The following PCDHGB1 variants were observed in gnomAD, a reference collection of about 807,000 sequenced individuals.
The protein encoded by PCDHGB1 is protocadherin gamma subfamily B, 1, also known as protocadherin gamma-B1.
A neutral mutation model predicts 56.6 loss-of-function variants in PCDHGB1; 34 were observed. That is an observed-to-expected ratio of 0.60 (90% confidence interval 0.46 to 0.80). The LOEUF is 0.80. PCDHGB1 is among the 30% of genes least tolerant of loss of function. The pLI is 0.00. For synonymous variants in PCDHGB1, 561 were observed against 505.9 expected (o/e 1.11, Z -1.46); for missense variants, 1,278 against 1,204.6 (o/e 1.06, Z -0.90).
At chr5:141,399,624 T>C (rs1006867896) in intron 1 of PCDHGB1, 9 of 1,613,898 alleles carry the variant, frequency 5.6e-6, no homozygotes, top group African/African-American at 4.0e-5. Flanking sequence ...CACTGGCCTC[T>C]TACGTGTCCA....
chr5:141,352,024 G>A lies in PCDHGB1; in HGVS notation c.1764G>A (p.Val588=), dbSNP rs756674357. ...CCGGCTACCTGGTGACCAAGGTGGT[G>A]GCGGTGGACGCAGACTCAGGACACA... ...AEPGYLVTKV[V]AVDADSGHNA... The change falls in exon 1 of 4, where the codon GTG becomes GTA. Residue 588 remains valine (V), a synonymous_variant. Coordinates refer to ENST00000523390, the MANE Select transcript of PCDHGB1 (RefSeq NM_018922.3). 7.5e-6 allele frequency: 12 copies of A among 1,609,274 alleles called. No individual in the cohort carries two copies. The Admixed American group carries it at 1.5e-4, about 20-fold the overall frequency.
chr5:141,403,362 G>A lies in PCDHGB1; in HGVS notation c.2409+50693G>A, dbSNP rs200979571. 157 of 1,613,944 alleles carry A rather than the reference G, an allele frequency of 9.7e-5. No homozygotes were observed. Among genetic ancestry groups the A allele is most frequent in the Admixed American group, 4.3e-4 (26 of 60,012 alleles). On this transcript the variant is annotated intron_variant, in intron 1 of 3. Transcript: ENST00000523390. ...AGCGCCCCAAAGTTCCAGGCCGAAA[G>A]TCTGGAAGTAAAAATTAACGAAATC... is the stretch of plus-strand genomic sequence containing the variant.
intron 1 of PCDHGB1, chr5:141,402,791 C>A: frequency 1.0e-6 from 1 of 998,930 alleles, no homozygotes; most frequent in Non-Finnish European, 1.4e-6. Context: ...TCTGCGGCTA[C>A]ACAAAACCCG....
At chr5:141,416,033 C>T (rs770398549) in intron 1 of PCDHGB1, 22 of 202,600 alleles carry the variant, frequency 1.1e-4, no homozygotes, top group Non-Finnish European at 1.9e-4. Flanking sequence ...AAAGAAATCA[C>T]CTCTGGAAAC....
chr5:141,415,411 G>A (rs754595054), intron 1 of PCDHGB1: 45 of 1,614,112 alleles, frequency 2.8e-5, no homozygotes, highest in Non-Finnish European at 3.6e-5. Context: ...GCACTTTGTG[G>A]GCGTGGACGG....
At chr5:141,404,002 A>G in intron 1 of PCDHGB1, 2 of 1,613,928 alleles carry the variant, frequency 1.2e-6, no homozygotes, top group South Asian at 1.1e-5. Context: ...TGACCATTAC[A>G]TCTCTGTTTA....
chr5:141,433,367 C>CTATA, intron 1 of PCDHGB1: 2 of 549,818 alleles, frequency 3.6e-6, no homozygotes, highest in South Asian at 4.5e-5. Flanking sequence ...GCCTATCTAT[C>CTATA]TATCTATCTA....
At chr5:141,371,895 C>T (rs1561553190) in intron 1 of PCDHGB1, 1 of 1,613,450 alleles carries the variant, frequency 6.2e-7, no homozygotes. Context: ...GCCGCGGGAG[C>T]TGTCGTCCTA....
intron 2 of PCDHGB1, 88 bp from the exon 3 acceptor site, chr5:141,505,305 C>G (rs1363643214): frequency 1.0e-5 from 16 of 1,595,104 alleles, no homozygotes; most frequent in African/African-American, 2.7e-5. Flanking sequence ...GGTTAGGGTA[C>G]TAGGTTTGGG....
Position 141,389,845 on chromosome 5 carries a change from C to A in PCDHGB1, c.2409+37176C>A, listed in dbSNP as rs572208776. 5.0e-5 allele frequency: 80 copies of A among 1,614,054 alleles called. No homozygotes were observed. In the Admixed American group the frequency reaches 1.3e-3, roughly 27 times the overall value. On this transcript the variant is annotated intron_variant, in intron 1 of 3. Transcript: ENST00000523390. ...GACGGTGGACAGCCACCACTCTCGG[C>A]CACTGCCACGTTGCACCTGGTCTTC...
At chr5:141,501,355 A>G (rs936121172) in intron 2 of PCDHGB1, among the ~76,000 whole-genome samples, 4 of 151,760 alleles carry the variant, frequency 2.6e-5, no homozygotes, top group African/African-American at 9.7e-5. Flanking sequence ...ATAGGGCAAG[A>G]ACCATATTCA....
intron 1 of PCDHGB1, chr5:141,409,728 C>G (rs13184503): frequency 6.2e-7 from 1 of 1,613,134 alleles, no homozygotes; most frequent in Admixed American, 1.7e-5. Flanking sequence ...TCAGTGAGCG[C>G]GCAGAGCGGG....
At chr5:141,509,404 A>C (rs1248030362) in intron 3 of PCDHGB1, among the ~76,000 whole-genome samples, 3 of 152,112 alleles carry the variant, frequency 2.0e-5, no homozygotes, top group Non-Finnish European at 4.4e-5. Context: ...CAGGGCCTCC[A>C]GCAGCGAGCC....
At chr5:141,413,001 G>C in intron 1 of PCDHGB1, 1 of 592,908 alleles carries the variant, frequency 1.7e-6, no homozygotes, top group Non-Finnish European at 2.8e-6. Flanking sequence ...CGGATTCTCA[G>C]GGCTTCAACT....
chr5:141,389,166 C>G (rs1340986620), intron 1 of PCDHGB1: 1 of 1,613,988 alleles, frequency 6.2e-7, no homozygotes, highest in Non-Finnish European at 8.5e-7. Context: ...TCGGGGCAAG[C>G]CTCCCCTCTC....
rs781345070 is a variant in PCDHGB1 at position 141,371,941 on chromosome 5, C to T, written c.2409+19272C>T. 8 of 1,613,174 alleles carry T rather than the reference C, an allele frequency of 5.0e-6. No individual in the cohort carries two copies. The South Asian group carries it at 7.7e-5, about 15-fold the overall frequency. On this transcript the variant is annotated intron_variant, in intron 1 of 3. Transcript: ENST00000523390. ...AGCGCGCGGAGCGGGGTGGTGTTCG[C>T]GCAGCGAGCCTTCGACCACGAGCAG...
chr5:141,376,701 A>G (rs1226810157), intron 1 of PCDHGB1: 2 of 567,970 alleles, frequency 3.5e-6, no homozygotes, highest in African/African-American at 3.9e-5. Context: ...TTTTTTTGAG[A>G]CGGAGTCTCG....
intron 2 of PCDHGB1, among the ~76,000 whole-genome samples, chr5:141,498,815 C>T (rs1595543994): frequency 6.6e-6 from 1 of 152,032 alleles, no homozygotes. Flanking sequence ...CACCTGTAGT[C>T]CCAGCTACTC....
At chr5:141,414,457 G>C in intron 1 of PCDHGB1, 2 of 1,613,872 alleles carry the variant, frequency 1.2e-6, no homozygotes, top group Non-Finnish European at 1.7e-6. Flanking sequence ...CACAGTGACA[G>C]CCACAGATGG....
Sources: gnomAD v4.1 joint callset for allele counts (sites outside exome capture counted in the v4.1 genomes callset) on GRCh38, gnomAD v4.1.1 for gene constraint, MANE v1.5 for transcripts, NCBI Gene and HGNC (gene_info 2026-07-23, HGNC 2026-07-21) for gene names.